Variants in BAG6 observed in about 807,000 individuals in gnomAD.
The protein encoded by BAG6 is large proline-rich protein BAG6.
A neutral mutation model predicts 121.0 loss-of-function variants in BAG6; 22 were observed. The ratio of observed to expected loss-of-function variants is 0.18; its 90% CI spans 0.13 to 0.26. The LOEUF (loss-of-function observed/expected upper bound fraction) is 0.26, where lower values mean the gene tolerates loss of function less well. BAG6 is among the 10% of genes least tolerant of loss of function. The pLI, the probability that BAG6 is intolerant of heterozygous loss-of-function variation, is 1.00. For missense variants in BAG6, 1,233 were observed against 1,537.7 expected (o/e 0.80, Z 3.31); for synonymous variants, 583 against 584.6 (o/e 1.00, Z 0.04).
rs1376525121 is a variant in BAG6, at chr6:31,641,357, C to T, written c.2625G>A (p.Gln875=). The change falls in exon 19 of 26, where the codon CAG becomes CAA. Residue 875 remains glutamine, a synonymous_variant. Coordinates refer to ENST00000676615, the MANE Select transcript of BAG6 (RefSeq NM_001387994.1). The surrounding 1 kb of genome is among the most constrained non-coding windows in gnomAD (Gnocchi z 5.7). ...IRTNLEFLQE[Q]FNSIAAHVLH... is the part of the protein sequence containing the mutation. ...GCACATGCGCAGCAATGCTATTAAA[C>T]TGCTCTTGGAGAAATTCCAGGTTTG... The T allele has an allele frequency of 1.9e-6, 3 of 1,614,260 alleles. No individual in the cohort carries two copies. The Admixed American group carries it at 5.0e-5, about 27-fold the overall frequency.
At chr6:31,649,426 A>C (rs1011550904) in intron 3 of BAG6, 31 bp from the exon 4 acceptor site, 1 of 1,607,218 alleles carries the variant, frequency 6.2e-7, no homozygotes, top group Non-Finnish European at 8.5e-7. Context: ...ACCAAAACAT[A>C]GTATGAACAG....
rs73728965 is a variant in BAG6 at position 31,651,758 on chromosome 6, C to T, written c.6G>A (p.Glu2=). M[E]PNDSTSTAVE... Reference sequence around the variant, plus strand: ...CAGCGGTACTGGTACTATCATTAGGCTCCATGGCCGACAGGTCTCTAAAGA... The same window carrying T: ...CAGCGGTACTGGTACTATCATTAGGTTCCATGGCCGACAGGTCTCTAAAGA... The change falls in exon 2 of 26, where the codon GAG becomes GAA. Residue 2 remains glutamate, a synonymous_variant. Transcript: ENST00000676615. The T allele has an allele frequency of 1.3e-3, 2,079 of 1,612,974 alleles. 19 individuals are homozygous for T. In the African/African-American group the frequency reaches 0.024, roughly 19 times the overall value.
At position 31,641,584 on chromosome 6, in the gene BAG6, G is replaced by A. The variant is rs1286677082; in HGVS notation, c.2514C>T (p.Thr838=). The A allele has an allele frequency of 1.2e-6, 2 of 1,614,128 alleles. No individual in the cohort carries two copies. The highest frequency in any genetic ancestry group is 2.2e-5 in the South Asian group (2 of 91,088). ...CTTCTAGCCCCGTGATCAATGTGTG[G>A]GTTGCCATCTGTGGAGGAAACAGAA... The part of the protein sequence containing the change: ...EPTPSNIRMA[T]HTLITGLEEY... Residue 838 remains threonine, a synonymous_variant, in exon 18 of 26, where the codon ACC becomes ACT. Transcript: ENST00000676615. The surrounding 1 kb of genome is among the most constrained non-coding windows in gnomAD (Gnocchi z 5.7).
At chr6:31,643,375 G>A (rs1161278629) in intron 14 of BAG6, among the ~76,000 whole-genome samples, 1 of 150,748 alleles carries the variant, frequency 6.6e-6, no homozygotes, top group Non-Finnish European at 1.5e-5. Context: ...TCACTGGATT[G>A]CACCATTGCA....
rs1341379598 is a variant in BAG6 at position 31,640,703 on chromosome 6, G to C, written c.2936C>G (p.Pro979Arg). 5 of 1,612,946 alleles carry C rather than the reference G, an allele frequency of 3.1e-6. No individual in the cohort carries two copies. The highest frequency in any genetic ancestry group is 4.2e-6 in the Non-Finnish European group (5 of 1,180,006). The part of the protein sequence containing the change: ...YVRRVGDPPQ[P>R]LPEEPMEVQG... The stretch of plus-strand genomic sequence containing the variant: ...AACTTCCATTGGCTCCTCAGGAAGT[G>C]GCTGTGAAATTAAAGAACACCATAC... Residue 979 changes from proline to arginine, a missense_variant and splice_region_variant, in exon 22 of 26, where the codon CCA becomes CGA. Around this residue, in one of 7 missense-constraint regions of BAG6, gnomAD observed 288 missense variants for 483.1 expected, o/e 0.60. Transcript: ENST00000676615. The surrounding 1 kb of genome is among the most constrained non-coding windows in gnomAD (Gnocchi z 4.2).
intron 9 of BAG6, 84 bp from the exon 10 acceptor site, chr6:31,645,282 C>T: frequency 6.2e-7 from 1 of 1,604,932 alleles, no homozygotes; most frequent in East Asian, 2.2e-5. Context: ...TCTAAAGTAT[C>T]TCCAGCCTTC....
At chr6:31,642,081 T>C in intron 16 of BAG6, 31 bp downstream of exon 16, 4 of 1,604,146 alleles carry the variant, frequency 2.5e-6, no homozygotes, top group Non-Finnish European at 3.4e-6. Context: ...TGCCCCTTCC[T>C]GGAGCAAGCC....
intron 15 of BAG6, 24 bp downstream of exon 15, chr6:31,642,805 G>C: frequency 6.2e-7 from 1 of 1,606,402 alleles, no homozygotes; most frequent in Non-Finnish European, 8.5e-7. Context: ...GGAAGATGAG[G>C]TGAATGGCAA....
intron 7 of BAG6, among the ~76,000 whole-genome samples, chr6:31,647,310 C>T (rs1045656988): frequency 6.6e-6 from 1 of 152,160 alleles, no homozygotes; most frequent in African/African-American, 2.4e-5. Context: ...AAGACTAATT[C>T]TAAGAAAGAG....
chr6:31,643,721 C>CAAA (rs9281540), intron 14 of BAG6, among the ~76,000 whole-genome samples, 169 bp downstream of exon 14: 4,185 of 65,866 alleles, frequency 0.064, 615 homozygotes, highest in African/African-American at 0.15. Flanking sequence ...GACTCCATCT[C>CAAA]AAAAAAAAAA....
intron 1 of BAG6, chr6:31,651,997 G>A: frequency 2.0e-6 from 1 of 490,900 alleles, no homozygotes; most frequent in South Asian, 2.9e-5. Flanking sequence ...AGAGGTGGGA[G>A]GGGCTCCACG....
In BAG6 at chr6:31,639,413, C is replaced by G. The variant is rs1780029357; in HGVS notation, c.3393+87G>C. On this transcript the variant is annotated intron_variant, in intron 25 of 25. Transcript: ENST00000676615. Reference sequence around the variant, plus strand: ...AAACAAATGGTAGCACCAGGCTGACCAGTTCATCGCTGAAGGGATCCAGGG... The same window carrying G: ...AAACAAATGGTAGCACCAGGCTGACGAGTTCATCGCTGAAGGGATCCAGGG... 6 of 1,543,580 alleles carry G rather than the reference C, an allele frequency of 3.9e-6. No individual in the cohort carries two copies. The Admixed American group carries it at 7.6e-5, about 19-fold the overall frequency.
At chr6:31,643,736 A>AAAT (rs2150786096) in intron 14 of BAG6, among the ~76,000 whole-genome samples, 154 bp downstream of exon 14, 1 of 150,276 alleles carries the variant, frequency 6.7e-6, no homozygotes, top group South Asian at 2.1e-4. Context: ...AAAAAAAAAA[A>AAAT]AAAAAAAAAA....
intron 6 of BAG6, among the ~76,000 whole-genome samples, chr6:31,648,298 G>A (rs1247097722): frequency 6.6e-6 from 1 of 152,156 alleles, no homozygotes; most frequent in Non-Finnish European, 1.5e-5. Context: ...TTACAGGCAG[G>A]AGCCACCACA....
intron 24 of BAG6, 115 bp from the exon 25 acceptor site, chr6:31,639,761 G>C: frequency 4.8e-6 from 6 of 1,252,552 alleles, no homozygotes; most frequent in Non-Finnish European, 6.5e-6. Flanking sequence ...CTAGTGGAGA[G>C]AGGGGAAATT....
At position 31,649,601 on chromosome 6, in the gene BAG6, G is replaced by A; in HGVS notation, c.135C>T (p.His45=). ...AQMNVKEFKE[H]IAASVSIPSE... Reference sequence around the variant, plus strand: ...ATGGGATGCTGACAGAGGCAGCAATGTGCTCCTTAAACTCTTTTACATTCA... The same window carrying A: ...ATGGGATGCTGACAGAGGCAGCAATATGCTCCTTAAACTCTTTTACATTCA... The change falls in exon 3 of 26, where the codon CAC becomes CAT. Residue 45 remains histidine, a synonymous_variant. Coordinates refer to ENST00000676615, the MANE Select transcript of BAG6 (RefSeq NM_001387994.1). 2 of 1,614,062 alleles carry A rather than the reference G, an allele frequency of 1.2e-6. No individual in the cohort carries two copies. The highest frequency in any genetic ancestry group is 2.2e-5 in the South Asian group (2 of 91,090).
At position 31,641,010 on chromosome 6, in the gene BAG6, C is replaced by T. The variant is rs1017883816; in HGVS notation, c.2788-72G>A. 1.8e-5 allele frequency: 28 copies of T among 1,598,808 alleles called. No individual in the cohort carries two copies. Among genetic ancestry groups the T allele is most frequent in the Non-Finnish European group, 2.2e-5 (26 of 1,172,472 alleles). On this transcript the variant is annotated intron_variant, in intron 20 of 25. Coordinates refer to ENST00000676615, the MANE Select transcript of BAG6 (RefSeq NM_001387994.1). This position sits in a 1 kb window ranked among gnomAD's most constrained non-coding sequence, Gnocchi z 5.7. ...TTAGAAATAGATTAGATCCAGGTTA[C>T]AGAATGTCAGTTTAGAAAAGAAAAA...
Position 31,647,826 on chromosome 6 carries a change from A to C in BAG6, c.553T>G (p.Cys185Gly), listed in dbSNP as rs1415469541. 1 of 1,539,406 alleles carries C rather than the reference A, an allele frequency of 6.5e-7. No homozygotes were observed. The highest frequency in any genetic ancestry group is 1.4e-5 in the African/African-American group (1 of 72,048). The change falls in exon 7 of 26, where the codon TGT becomes GGT. Residue 185 changes from cysteine to glycine, a missense_variant and splice_region_variant. By Grantham distance (159) the Cys-to-Gly change is radical. This residue lies in a region of BAG6 where 777 missense variants were observed against 861.4 expected (regional missense o/e 0.90). Transcript: ENST00000676615. ...DIQTLLSRME[C>G]RGGPQPQHSQ... ...TGCTGCGGTTGGGGCCCTCCTCGAC[A>C]CTGAAGGTAGGGGAGAGTCAGGATA...
Position 31,645,142 on chromosome 6 carries a change from A to G in BAG6, c.1173T>C (p.Thr391=), listed in dbSNP as rs1583368585. The change falls in exon 10 of 26, where the codon ACT becomes ACC. Residue 391 remains threonine (T), a synonymous_variant. Transcript: ENST00000676615. ...MTGNGTRPPP[T]PNAEAPPPGP... is the part of the protein sequence containing the mutation. ...CAGGGGGAGGTGCCTCTGCATTGGG[A>G]GTTGGGGGGGGCCGAGTCCCATTTC... The G allele has an allele frequency of 6.2e-7, 1 of 1,612,614 alleles. No homozygotes were observed. The highest frequency in any genetic ancestry group is 8.5e-7 in the Non-Finnish European group (1 of 1,179,880).
Sources: allele counts gnomAD v4.1 joint callset (sites outside exome capture counted in the v4.1 genomes callset), GRCh38; gene constraint gnomAD v4.1.1; regional missense constraint gnomAD v4.1.1; non-coding constraint Gnocchi (gnomAD v3.1); transcripts MANE v1.5; gene names NCBI Gene and HGNC (gene_info 2026-07-23, HGNC 2026-07-21).